Variants in SPINK6 observed in about 807,000 individuals in gnomAD.
The protein encoded by SPINK6 is serine peptidase inhibitor Kazal type 6, also known as serine protease inhibitor Kazal-type 6.
Under a neutral mutation model 11.7 loss-of-function variants are expected in SPINK6, and 13 were observed. The observed-to-expected ratio is 1.11, with a 90% CI of 0.72 to 1.76. The LOEUF is 1.76. SPINK6 is among the 40% of genes most tolerant of loss of function. SPINK6 has a pLI of 0.00. For missense variants in SPINK6, 98 were observed against 93.7 expected (o/e 1.05, Z -0.19); for synonymous variants, 21 against 31.9 (o/e 0.66, Z 1.15).
rs1177906190 is a variant in SPINK6, at chr5:148,210,060, ATATG to A, written c.82-3841_82-3838del. Among the ~76,000 whole-genome samples the A allele has an allele frequency of 5.1e-4, 58 of 113,452 alleles. 1 individual carries two copies. The highest frequency in any genetic ancestry group is 1.2e-3 in the African/African-American group (44 of 35,846). 74.4% of individuals were successfully genotyped at this position (113,452 alleles called of 152,430 possible). A position where few individuals can be genotyped will look rare whatever the true frequency, so the allele number is the denominator to read the frequency against. On this transcript the variant is annotated intron_variant, in intron 2 of 3. Transcript: ENST00000325630. ...AACGTATGTATGCATATATGTATGT[ATATG>A]TATGTATGCATATATGTATGCATGT...
intron 2 of SPINK6, among the ~76,000 whole-genome samples, chr5:148,209,975 C>T (rs906942103): frequency 4.4e-4 from 65 of 146,932 alleles, no homozygotes; most frequent in African/African-American, 1.6e-3. Flanking sequence ...TACATACGTA[C>T]GTATGTATGT....
intron 2 of SPINK6, among the ~76,000 whole-genome samples, chr5:148,210,007 C>CATACACGTGTACGTATGT: frequency 9.5e-6 from 1 of 105,736 alleles, no homozygotes; most frequent in South Asian, 3.0e-4. Context: ...CGTATGTATA[C>CATACACGTGTACGTATGT]ATGTATGTAC....
At chr5:148,214,203 C>T (rs528006322) in intron 3 of SPINK6, among the ~76,000 whole-genome samples, 178 bp downstream of exon 3, 8 of 152,248 alleles carry the variant, frequency 5.3e-5, no homozygotes, top group South Asian at 4.1e-4. Context: ...ACATTACATA[C>T]TAAATTATTT....
At chr5:148,212,515 TATATA>T (rs1450175505) in intron 2 of SPINK6, among the ~76,000 whole-genome samples, 3 of 127,878 alleles carry the variant, frequency 2.3e-5, no homozygotes, top group African/African-American at 9.2e-5. Flanking sequence ...ATATTTTATA[TATATA>T]AAGTATATAT....
At chr5:148,213,876 A>C (rs1269494153) in intron 2 of SPINK6, 34 bp from the exon 3 acceptor site, 6 of 1,085,644 alleles carry the variant, frequency 5.5e-6, no homozygotes, top group Non-Finnish European at 8.6e-6. Flanking sequence ...CTTAGAATGC[A>C]CTGATGTCAA....
At chr5:148,211,942 G>A (rs1755604000) in intron 2 of SPINK6, among the ~76,000 whole-genome samples, 1 of 152,124 alleles carries the variant, frequency 6.6e-6, no homozygotes, top group African/African-American at 2.4e-5. Context: ...TATCATTTTA[G>A]ACAGAGAGAA....
chr5:148,210,279 C>A (rs1755573019), intron 2 of SPINK6, among the ~76,000 whole-genome samples: 1 of 27,854 alleles, frequency 3.6e-5, no homozygotes, highest in African/African-American at 1.2e-4. Flanking sequence ...TGTGTTTCTG[C>A]ATACATATAT....
rs564760701 is a variant in SPINK6, at chr5:148,215,018, T to C, written c.*68T>C. ...CTTCTTTTCTCACTTCTGCTTATAC[T>C]TTTGCTGGTGGATTCCTTTAATTCA... On this transcript the variant is annotated 3_prime_UTR_variant, in exon 4 of 4. Transcript: ENST00000325630. The C allele has an allele frequency of 4.5e-5, 67 of 1,495,194 alleles. No individual in the cohort carries two copies. In the South Asian group the frequency reaches 7.3e-4, roughly 16 times the overall value. 92.6% of individuals were successfully genotyped at this position (1,495,194 alleles called of 1,614,324 possible).
At chr5:148,212,768 G>A (rs1019631332) in intron 2 of SPINK6, among the ~76,000 whole-genome samples, 3 of 118,878 alleles carry the variant, frequency 2.5e-5, no homozygotes, top group Admixed American at 9.3e-5. Flanking sequence ...AGTATATATT[G>A]TATATATTTA....
At chr5:148,210,008 A>ATACACACGTACGTATGTG (rs1755558618) in intron 2 of SPINK6, among the ~76,000 whole-genome samples, 4 of 133,480 alleles carry the variant, frequency 3.0e-5, no homozygotes, top group Admixed American at 7.4e-5. Context: ...GTATGTATAC[A>ATACACACGTACGTATGTG]TGTATGTACG....
At chr5:148,213,491 G>A (rs550618505) in intron 2 of SPINK6, among the ~76,000 whole-genome samples, 45 of 152,056 alleles carry the variant, frequency 3.0e-4, no homozygotes, top group Admixed American at 2.6e-4. Flanking sequence ...GAGCCACCGC[G>A]CCCAGCCCAT....
intron 2 of SPINK6, among the ~76,000 whole-genome samples, chr5:148,213,284 T>G (rs1324266806): frequency 6.6e-6 from 1 of 152,074 alleles, no homozygotes; most frequent in East Asian, 1.9e-4. Context: ...CGATCTGGGC[T>G]CACTGCAAGC....
At chr5:148,209,997 C>CACATACGTAT (rs1561732192) in intron 2 of SPINK6, among the ~76,000 whole-genome samples, 4 of 145,892 alleles carry the variant, frequency 2.7e-5, no homozygotes, top group Admixed American at 6.8e-5. Context: ...TACATATACA[C>CACATACGTAT]GTATGTATAC....
intron 2 of SPINK6, among the ~76,000 whole-genome samples, chr5:148,210,005 T>TGTATGTATACATAC (rs1434826465): frequency 1.5e-5 from 2 of 133,188 alleles, no homozygotes; most frequent in African/African-American, 5.5e-5. Context: ...CACGTATGTA[T>TGTATGTATACATAC]ACATGTATGT....
chr5:148,211,177 T>C (rs927786149), intron 2 of SPINK6, among the ~76,000 whole-genome samples: 1 of 152,108 alleles, frequency 6.6e-6, no homozygotes, highest in African/African-American at 2.4e-5. Context: ...CCAGCCACCA[T>C]ATTAAAATGT....
chr5:148,213,838 C>A, intron 2 of SPINK6, 72 bp from the exon 3 acceptor site: 1 of 782,464 alleles, frequency 1.3e-6, no homozygotes, highest in South Asian at 1.5e-5. Flanking sequence ...AGTTTGCTGT[C>A]TAAAGCTTCT....
intron 2 of SPINK6, among the ~76,000 whole-genome samples, chr5:148,209,997 C>CGTACATACGTACGTACGTAT: frequency 6.8e-6 from 1 of 145,992 alleles, no homozygotes; most frequent in East Asian, 2.1e-4. Flanking sequence ...TACATATACA[C>CGTACATACGTACGTACGTAT]GTATGTATAC....
At chr5:148,203,822 C>G (rs981895666) in intron 1 of SPINK6, among the ~76,000 whole-genome samples, 1 of 152,054 alleles carries the variant, frequency 6.6e-6, no homozygotes, top group South Asian at 2.1e-4. Context: ...AATCATACTT[C>G]AAGGTTATGT....
Position 148,215,135 on chromosome 5 carries a change from G to T in SPINK6, c.*185G>T, listed in dbSNP as rs1448672494. The T allele has an allele frequency of 5.6e-6, 3 of 539,072 alleles. No individual in the cohort carries two copies. Among genetic ancestry groups the T allele is most frequent in the African/African-American group, 3.8e-5 (2 of 52,440 alleles). The allele number at this position is 539,072 out of a possible 1,614,324, so 33.4% of individuals were successfully genotyped here. A position where few individuals can be genotyped will look rare whatever the true frequency, so the allele number is the denominator to read the frequency against. The stretch of plus-strand genomic sequence containing the variant: ...TGTCAATAAAGTACATTCTGCAAAA[G>T]CATTGACTGTGTTCTTACTTTGAGA... On this transcript the variant is annotated 3_prime_UTR_variant, in exon 4 of 4. Transcript: ENST00000325630.
Sources: allele counts gnomAD v4.1 joint callset (sites outside exome capture counted in the v4.1 genomes callset), GRCh38; gene constraint gnomAD v4.1.1; transcripts MANE v1.5; gene names NCBI Gene and HGNC (gene_info 2026-07-23, HGNC 2026-07-21).